Variants in LTA4H observed in about 807,000 individuals in gnomAD.
LTA4H encodes the protein leukotriene A4 hydrolase.
In LTA4H, 59 loss-of-function variants were observed where a neutral mutation model predicts 89.8. The ratio of observed to expected loss-of-function variants is 0.66; its 90% CI spans 0.53 to 0.82. The LOEUF (loss-of-function observed/expected upper bound fraction) is 0.82. Among genes scored for constraint, LTA4H ranks in the 40% least tolerant of loss-of-function variants. LTA4H has a pLI of 0.00. For missense variants in LTA4H, 617 were observed against 727.0 expected (o/e 0.85, Z 1.74); for synonymous variants, 227 against 253.1 (o/e 0.90, Z 0.98).
intron 14 of LTA4H, 145 bp from the exon 15 acceptor site, chr12:96,009,293 A>C: frequency 1.6e-6 from 1 of 612,382 alleles, no homozygotes; most frequent in Non-Finnish European, 2.9e-6. Context: ...GAAATATTTT[A>C]CCTAACTTAC....
In LTA4H at chr12:96,022,663, T is replaced by TA. The variant is rs1454476365; in HGVS notation, c.481-413dup. On this transcript the variant is annotated intron_variant, in intron 4 of 18. Coordinates refer to ENST00000228740, the MANE Select transcript of LTA4H (RefSeq NM_000895.3). This position sits in a 1 kb window ranked among gnomAD's most constrained non-coding sequence, Gnocchi z 4.0. Reference sequence around the variant, plus strand: ...AATCCCAGCTCTGCCACCTAATAACTAACTGCACAAACTTGGGCAAATAAA... The same window carrying TA: ...AATCCCAGCTCTGCCACCTAATAACTAAACTGCACAAACTTGGGCAAATAAA... Among the ~76,000 whole-genome samples the TA allele has an allele frequency of 6.6e-6, 1 of 152,094 alleles. No individual in the cohort carries two copies. Among genetic ancestry groups the TA allele is most frequent in the Non-Finnish European group, 1.5e-5 (1 of 68,008 alleles).
chr12:96,034,909 A>G (rs1216768464), intron 1 of LTA4H, among the ~76,000 whole-genome samples: 1 of 152,240 alleles, frequency 6.6e-6, no homozygotes, highest in Non-Finnish European at 1.5e-5. Context: ...GGGCTGGGAA[A>G]AGTCTGGGGC....
At chr12:96,016,824 C>T (rs148386809) in intron 10 of LTA4H, among the ~76,000 whole-genome samples, 2 of 151,772 alleles carry the variant, frequency 1.3e-5, no homozygotes, top group East Asian at 3.9e-4. Flanking sequence ...TCACTTGAAC[C>T]TGGGAGGCAG....
At position 96,013,225 on chromosome 12, in the gene LTA4H, A is replaced by T; in HGVS notation, c.1342T>A (p.Trp448Arg). 6.2e-7 allele frequency: 1 copy of T among 1,613,834 alleles called. No homozygotes were observed. The highest frequency in any genetic ancestry group is 8.5e-7 in the Non-Finnish European group (1 of 1,179,750). ...GGAGGCAGTCCAGGAGAGTAGAGCC[A>T]GGCATTCCAATCAACTTGATTGAGA... ...DVLNQVDWNA[W>R]LYSPGLPPIK... The change falls in exon 14 of 19, where the codon TGG (tryptophan) becomes AGG (arginine). Residue 448 changes from tryptophan to arginine, a missense_variant. Trp to Arg is a moderately radical substitution (Grantham distance 101). Transcript: ENST00000228740.
chr12:96,019,952 T>C (rs1950433962), intron 6 of LTA4H, among the ~76,000 whole-genome samples: 1 of 149,116 alleles, frequency 6.7e-6, no homozygotes, highest in African/African-American at 2.5e-5. Context: ...TTGCCCAGGC[T>C]GAGTACAGAG....
At position 96,003,032 on chromosome 12, in the gene LTA4H, TC is replaced by T; in HGVS notation, c.1645del (p.Glu549ArgfsTer8). 1 of 1,603,950 alleles carries T rather than the reference TC, an allele frequency of 6.2e-7. No homozygotes were observed. The highest frequency in any genetic ancestry group is 8.5e-7 in the Non-Finnish European group (1 of 1,174,684). ...CTTTAGCGCCAAAGGAATTGCGTCC[TC>T]CCACTTGGATTGAATGCAGAGCCGC... ...WLRLCIQSKW[E>X]DAIPLALKMA... On this transcript the variant is annotated frameshift_variant, in exon 18 of 19. Coordinates refer to ENST00000228740, the MANE Select transcript of LTA4H (RefSeq NM_000895.3). LOFTEE classifies it high-confidence loss of function.
In LTA4H at chr12:96,027,461, G is replaced by A. The variant is rs149364918; in HGVS notation, c.394C>T (p.Leu132Phe). ...CTTTTTACCTGGCACTGACTAAAGA[G>A]ATATGGGTGTTCCTTCCCAGAAGTC... ...EQTSGKEHPY[L>F]FSQCQAIHCR... Residue 132 changes from leucine to phenylalanine, a missense_variant, in exon 3 of 19, where the codon CTC becomes TTC. Physicochemically the swap from Leu to Phe is conservative, Grantham distance 22 (BLOSUM62 0). This residue lies in a region of LTA4H where 172 missense variants were observed against 244.5 expected (regional missense o/e 0.70). Transcript: ENST00000228740. 36 of 1,608,732 alleles carry A rather than the reference G, an allele frequency of 2.2e-5. No homozygotes were observed. Among genetic ancestry groups the A allele is most frequent in the Non-Finnish European group, 3.0e-5 (35 of 1,178,112 alleles).
intron 1 of LTA4H, among the ~76,000 whole-genome samples, chr12:96,042,691 T>C (rs1200002481): frequency 1.3e-5 from 2 of 152,184 alleles, no homozygotes; most frequent in Non-Finnish European, 2.9e-5. Flanking sequence ...AACTTTGTAA[T>C]TTTGAGTTGG....
intron 1 of LTA4H, among the ~76,000 whole-genome samples, chr12:96,034,097 T>G (rs2246973): frequency 0.28 from 42,758 of 152,106 alleles, 6,800 homozygotes; most frequent in East Asian, 0.42. Flanking sequence ...AAATCAAAAT[T>G]CAGATCCTTC....
At chr12:96,005,960 C>T (rs1392912805) in intron 16 of LTA4H, among the ~76,000 whole-genome samples, 1 of 152,010 alleles carries the variant, frequency 6.6e-6, no homozygotes, top group Non-Finnish European at 1.5e-5. Context: ...GTTGGCCAGG[C>T]TGGTCTCGAA....
intron 12 of LTA4H, 33 bp downstream of exon 12, chr12:96,014,822 G>GAA: frequency 2.0e-6 from 3 of 1,478,902 alleles, no homozygotes; most frequent in African/African-American, 1.4e-5. Context: ...CCCTCAAAAA[G>GAA]AAAAAAAAAA....
Position 96,021,138 on chromosome 12 carries a change from C to A in LTA4H, c.586-1G>T. On this transcript the variant is annotated splice_acceptor_variant, in intron 5 of 18. Transcript: ENST00000228740. LOFTEE classifies it high-confidence loss of function. ...CAATCAGGTAGCAGGGTATTGGAAC[C>A]TAAAGAGGGCAAACAAACGCACACC... is the stretch of plus-strand genomic sequence containing the variant. The A allele has an allele frequency of 6.3e-7, 1 of 1,591,118 alleles. No homozygotes were observed. The highest frequency in any genetic ancestry group is 1.7e-4 in the Middle Eastern group (1 of 6,018).
chr12:96,036,063 G>A (rs1275380511), upstream of LTA4H, among the ~76,000 whole-genome samples: 1 of 152,204 alleles, frequency 6.6e-6, no homozygotes, highest in East Asian at 1.9e-4. Flanking sequence ...TGTCACGCGG[G>A]AGACCGGGGT....
rs1950490708 is a variant in LTA4H at position 96,024,491 on chromosome 12, G to A, written c.468C>T (p.Thr156=). The A allele has an allele frequency of 1.2e-6, 2 of 1,605,456 alleles. No individual in the cohort carries two copies. Among genetic ancestry groups the A allele is most frequent in the Non-Finnish European group, 8.5e-7 (1 of 1,172,532 alleles). The change falls in exon 4 of 19, where the codon ACC becomes ACT. Residue 156 remains threonine (T), a synonymous_variant. Coordinates refer to ENST00000228740, the MANE Select transcript of LTA4H (RefSeq NM_000895.3). The part of the protein sequence containing the change: ...PCQDTPSVKL[T]YTAEVSVPKE... ...TCGTAATATTTACCTCTGCAGTATAGGTTAATTTCACAGAAGGAGTGTCCT... is the reference window on the plus strand; with the variant it reads ...TCGTAATATTTACCTCTGCAGTATAAGTTAATTTCACAGAAGGAGTGTCCT...
chr12:96,011,978 G>C (rs1405856727), intron 14 of LTA4H: 3 of 152,174 alleles, frequency 2.0e-5, no homozygotes, highest in African/African-American at 7.2e-5. Flanking sequence ...AGGGTTTACT[G>C]ATGATTTGTG....
intron 8 of LTA4H, among the ~76,000 whole-genome samples, chr12:96,018,241 ATT>A (rs935484498): frequency 6.6e-6 from 1 of 152,094 alleles, no homozygotes; most frequent in Admixed American, 6.6e-5. Flanking sequence ...AAATGGCCTG[ATT>A]ATTTTCCTTT....
intron 3 of LTA4H, among the ~76,000 whole-genome samples, chr12:96,025,931 G>C (rs1439587424): frequency 6.6e-6 from 1 of 151,988 alleles, no homozygotes; most frequent in Non-Finnish European, 1.5e-5. Context: ...GCCTCATTGA[G>C]ACAGTCTACT....
upstream of LTA4H, chr12:96,035,702 A>G: frequency 7.2e-7 from 1 of 1,389,652 alleles, no homozygotes; most frequent in Non-Finnish European, 9.4e-7. Flanking sequence ...AGGAACTACA[A>G]GTTCCATGGT....
chr12:96,014,813 C>A, intron 12 of LTA4H, 42 bp downstream of exon 12: 6 of 1,560,330 alleles, frequency 3.8e-6, no homozygotes, highest in Non-Finnish European at 3.5e-6. Flanking sequence ...CTCACATTAC[C>A]CTCAAAAAGA....
Sources: gnomAD v4.1 joint callset for allele counts (sites outside exome capture counted in the v4.1 genomes callset) on GRCh38, gnomAD v4.1.1 for gene constraint, gnomAD v4.1.1 regional missense constraint, Gnocchi (gnomAD v3.1) non-coding constraint, MANE v1.5 for transcripts, NCBI Gene and HGNC (gene_info 2026-07-23, HGNC 2026-07-21) for gene names.